CSMD1: variants seen among roughly 807,000 people sequenced by gnomAD.
CSMD1 encodes the protein CUB and Sushi multiple domains 1, also known as CUB and sushi domain-containing protein 1.
A neutral mutation model predicts 417.5 loss-of-function variants in CSMD1; 213 were observed. That is an observed-to-expected ratio of 0.51 (90% CI 0.46 to 0.57). CSMD1 has a LOEUF of 0.57. CSMD1 is among the 20% of genes least tolerant of loss of function. The pLI is 0.00. For missense variants in CSMD1, 6,923 were observed against 4,529.7 expected, an observed-to-expected ratio of 1.53 and a Z score of -15.17; for synonymous variants, 2,862 against 1,736.8, an observed-to-expected ratio of 1.65 and a Z score of -16.11.
At chr8:3,268,305 T>G (rs1801585076) in intron 26 of CSMD1, among the ~76,000 whole-genome samples, 1 of 141,198 alleles carries the variant, frequency 7.1e-6, no homozygotes, top group Non-Finnish European at 1.5e-5. Flanking sequence ...TTTTTTTTTT[T>G]TTTTTTTTTG....
intron 42 of CSMD1, among the ~76,000 whole-genome samples, chr8:3,111,415 A>G (rs1019069703): frequency 3.3e-5 from 5 of 152,196 alleles, no homozygotes; most frequent in Admixed American, 2.6e-4. Flanking sequence ...TTACTAAGTG[A>G]GGTTTGGAGT....
chr8:4,751,620 G>A (rs142459645), intron 1 of CSMD1, among the ~76,000 whole-genome samples: 57 of 152,236 alleles, frequency 3.7e-4, no homozygotes, highest in African/African-American at 1.3e-3. Flanking sequence ...ATAAATAGCA[G>A]CCTCAAGGGT....
chr8:4,437,319 AT>A (rs1367882573), intron 2 of CSMD1, among the ~76,000 whole-genome samples: 1 of 152,178 alleles, frequency 6.6e-6, no homozygotes, highest in Non-Finnish European at 1.5e-5. Flanking sequence ...GAGAAAAAAA[AT>A]AAGCTTGTTT....
intron 1 of CSMD1, among the ~76,000 whole-genome samples, chr8:4,908,444 C>G (rs532906528): frequency 3.9e-5 from 6 of 152,258 alleles, no homozygotes; most frequent in African/African-American, 1.2e-4. Context: ...ATCTATCTTT[C>G]TCTGCTCTCC....
At chr8:3,576,124 C>G (rs549650841) in intron 9 of CSMD1, among the ~76,000 whole-genome samples, 4 of 152,170 alleles carry the variant, frequency 2.6e-5, no homozygotes, top group African/African-American at 9.6e-5. Flanking sequence ...AGTTATTATT[C>G]TAGCAGACTC....
chr8:4,081,803 G>T (rs1173086697), intron 3 of CSMD1, among the ~76,000 whole-genome samples: 1 of 151,780 alleles, frequency 6.6e-6, no homozygotes, highest in African/African-American at 2.4e-5. Context: ...ATACACAATG[G>T]ATCAAATAAA....
At chr8:3,299,269 T>A (rs879540425) in intron 25 of CSMD1, among the ~76,000 whole-genome samples, 15 of 151,996 alleles carry the variant, frequency 9.9e-5, no homozygotes, top group Non-Finnish European at 1.6e-4. Context: ...CTGGCCAATA[T>A]GGGGAAACCC....
At chr8:4,189,828 G>A (rs1798907505) in intron 3 of CSMD1, among the ~76,000 whole-genome samples, 1 of 152,106 alleles carries the variant, frequency 6.6e-6, no homozygotes, top group Non-Finnish European at 1.5e-5. Context: ...TGGATTCAAA[G>A]AGCACAGCTT....
intron 11 of CSMD1, among the ~76,000 whole-genome samples, chr8:3,480,191 T>A (rs7017177): frequency 1.5e-3 from 224 of 152,096 alleles, no homozygotes; most frequent in African/African-American, 5.3e-3. Context: ...AAACCCCATC[T>A]TTATTAAAAT....
chr8:3,402,714 A>C (rs1042415069), intron 15 of CSMD1, among the ~76,000 whole-genome samples: 1 of 152,140 alleles, frequency 6.6e-6, no homozygotes, highest in Non-Finnish European at 1.5e-5. Flanking sequence ...TTTCTTTCCT[A>C]GTTCTTTTTA....
At chr8:4,574,195 CG>C (rs1458028482) in intron 2 of CSMD1, among the ~76,000 whole-genome samples, 2 of 152,092 alleles carry the variant, frequency 1.3e-5, no homozygotes, top group Admixed American at 1.3e-4. Flanking sequence ...GCAGCTAGCT[CG>C]GTATCTGTCT....
At chr8:4,418,426 A>G (rs1018834506) in intron 3 of CSMD1, among the ~76,000 whole-genome samples, 4 of 152,180 alleles carry the variant, frequency 2.6e-5, no homozygotes, top group Non-Finnish European at 2.9e-5. Context: ...AATTATTCAT[A>G]TAGTGATTTC....
intron 1 of CSMD1, among the ~76,000 whole-genome samples, chr8:4,757,926 C>T (rs981444400): frequency 1.4e-5 from 2 of 144,172 alleles, no homozygotes; most frequent in Non-Finnish European, 3.0e-5. Flanking sequence ...GCCACCTGCA[C>T]TCCATCCTGG....
chr8:4,455,962 A>AAAAAAAAC (rs1741947895), intron 2 of CSMD1, among the ~76,000 whole-genome samples: 1 of 145,152 alleles, frequency 6.9e-6, no homozygotes, highest in Non-Finnish European at 1.5e-5. Context: ...AAAAAAAAAA[A>AAAAAAAAC]ATGCAGTTAA....
chr8:3,250,664 T>C (rs373319233), intron 26 of CSMD1, among the ~76,000 whole-genome samples: 9 of 152,236 alleles, frequency 5.9e-5, no homozygotes, highest in East Asian at 1.9e-4. Flanking sequence ...AACTAGTTTA[T>C]GGTCCCACCA....
At chr8:3,636,869 T>C (rs541580202) in intron 7 of CSMD1, among the ~76,000 whole-genome samples, 4 of 152,324 alleles carry the variant, frequency 2.6e-5, no homozygotes, top group African/African-American at 4.8e-5. Flanking sequence ...TGTTGAGATA[T>C]ATAGATTTTG....
intron 5 of CSMD1, among the ~76,000 whole-genome samples, chr8:3,833,385 T>G (rs1446451956): frequency 6.6e-6 from 1 of 152,140 alleles, no homozygotes; most frequent in Non-Finnish European, 1.5e-5. Flanking sequence ...CTAAAATAAT[T>G]TACTGCATTC....
In CSMD1 at chr8:4,818,337, G is replaced by A. The variant is rs144352931; in HGVS notation, c.85+175995C>T. Among the ~76,000 whole-genome samples, 574 of 152,238 alleles carry A rather than the reference G, an allele frequency of 3.8e-3. 4 individuals carry two copies. Among genetic ancestry groups the A allele is most frequent in the African/African-American group, 0.013 (524 of 41,550 alleles). Reference sequence around the variant, plus strand: ...CTAGATTACAAAAGTATAAATTTGAGCATTGCCTGCCACAGTTTAATGTTC... The same window carrying A: ...CTAGATTACAAAAGTATAAATTTGAACATTGCCTGCCACAGTTTAATGTTC... On this transcript the variant is annotated intron_variant, in intron 1 of 69. Coordinates refer to ENST00000635120, the MANE Select transcript of CSMD1 (RefSeq NM_033225.6).
chr8:3,933,349 T>C (rs1431511219), intron 5 of CSMD1, among the ~76,000 whole-genome samples: 1 of 152,226 alleles, frequency 6.6e-6, no homozygotes, highest in Non-Finnish European at 1.5e-5. Context: ...ACCATTAAGC[T>C]GTTTTTGGCG....
Sources: gnomAD v4.1 joint callset for allele counts (sites outside exome capture counted in the v4.1 genomes callset) on GRCh38, gnomAD v4.1.1 for gene constraint, MANE v1.5 for transcripts, NCBI Gene and HGNC (gene_info 2026-07-23, HGNC 2026-07-21) for gene names.